Variants in APBB2 observed in about 807,000 individuals in gnomAD.
The protein encoded by APBB2 is amyloid beta precursor protein binding family B member 2, also known as Fe65-like 1.
Under a neutral mutation model 82.5 loss-of-function variants are expected in APBB2, and 38 were observed. That is an observed-to-expected ratio of 0.46 (90% CI 0.36 to 0.60). APBB2 has a LOEUF of 0.60. Among genes scored for constraint, APBB2 ranks in the 20% least tolerant of loss-of-function variants. The pLI is 0.00. For missense variants in APBB2, 772 were observed against 972.3 expected (o/e 0.79, Z 2.74); for synonymous variants, 341 against 368.2 (o/e 0.93, Z 0.85).
chr4:41,057,439 A>C (rs1013290856), intron 4 of APBB2, among the ~76,000 whole-genome samples: 3 of 152,232 alleles, frequency 2.0e-5, no homozygotes, highest in Non-Finnish European at 2.9e-5. Flanking sequence ...CAACAAGAGT[A>C]AGACTCCGTC....
chr4:41,082,317 A>T (rs1737935135), intron 3 of APBB2, among the ~76,000 whole-genome samples: 1 of 152,156 alleles, frequency 6.6e-6, no homozygotes, highest in African/African-American at 2.4e-5. Context: ...TATTTTTGAT[A>T]AGTTTGAGTC....
chr4:40,828,174 G>A (rs540793192), intron 13 of APBB2, among the ~76,000 whole-genome samples: 11 of 152,198 alleles, frequency 7.2e-5, no homozygotes, highest in South Asian at 2.1e-4. Flanking sequence ...CGTGAAAGCC[G>A]ACTAATACAC....
At chr4:40,827,072 T>C (rs1225994599) in intron 14 of APBB2, 60 bp downstream of exon 14, 1 of 1,482,910 alleles carries the variant, frequency 6.7e-7, no homozygotes, top group Non-Finnish European at 9.4e-7. Context: ...TCTGAGAGCC[T>C]TCAGTCCTGG....
intron 2 of APBB2, among the ~76,000 whole-genome samples, chr4:41,106,395 A>G (rs1747247508): frequency 6.6e-6 from 1 of 152,220 alleles, no homozygotes; most frequent in African/African-American, 2.4e-5. Flanking sequence ...CACCAAGGGA[A>G]TAATCTTGGG....
chr4:41,171,880 T>G (rs538244933), intron 1 of APBB2, among the ~76,000 whole-genome samples: 1 of 152,058 alleles, frequency 6.6e-6, no homozygotes, highest in African/African-American at 2.4e-5. Flanking sequence ...TGGAATCACC[T>G]GAGGTCAGGA....
chr4:40,837,763 A>G lies in APBB2; in HGVS notation c.1530-7186T>C, dbSNP rs1754467837. ...TGAGAATCATTGCGTTTTCTTTTAT[A>G]AGCCAGGAAGTGGAAGGGTTATAGC... On this transcript the variant is annotated intron_variant, in intron 12 of 17. Coordinates refer to ENST00000508593, the MANE Select transcript of APBB2 (RefSeq NM_004307.2). 2.6e-5 allele frequency among the ~76,000 whole-genome samples: 4 copies of G among 152,258 alleles called. No individual in the cohort carries two copies. The South Asian group carries it at 8.3e-4, about 32-fold the overall frequency.
intron 4 of APBB2, among the ~76,000 whole-genome samples, chr4:41,045,172 G>A (rs868656679): frequency 1.3e-5 from 2 of 151,572 alleles, no homozygotes; most frequent in African/African-American, 4.9e-5. Context: ...CTTGAGTTCT[G>A]TCTCCTTGTC....
intron 5 of APBB2, among the ~76,000 whole-genome samples, chr4:41,025,960 A>AAAAG (rs1560556017): frequency 2.0e-5 from 3 of 150,170 alleles, no homozygotes; most frequent in African/African-American, 7.5e-5. Flanking sequence ...AAAAAAAAAA[A>AAAAG]AAAGAAAAAA....
chr4:40,892,500 C>T (rs551831750), intron 11 of APBB2: 7 of 152,142 alleles, frequency 4.6e-5, no homozygotes, highest in African/African-American at 9.7e-5. Flanking sequence ...GAGTGGAGTC[C>T]CAATCAGCCC....
intron 12 of APBB2, among the ~76,000 whole-genome samples, chr4:40,833,381 C>A (rs543940618): frequency 6.6e-6 from 1 of 152,190 alleles, no homozygotes; most frequent in Non-Finnish European, 1.5e-5. Flanking sequence ...GGTGTCCGCT[C>A]GTAGTGGTGT....
At position 40,944,946 on chromosome 4, in the gene APBB2, G is replaced by A. The variant is rs780689134; in HGVS notation, c.963C>T (p.Pro321=). 5.0e-6 allele frequency: 8 copies of A among 1,613,758 alleles called. No homozygotes were observed. Among genetic ancestry groups the A allele is most frequent in the Non-Finnish European group, 5.9e-6 (7 of 1,180,008 alleles). ...CCTGGAGATCTGCTGGGATGGAGAC[G>A]GGCCGTTCCCACTGAGTCGTTCCTG... The part of the protein sequence containing the change: ...IPTGTTQWER[P]VSIPADLQGS... The change falls in exon 7 of 18, where the codon CCC becomes CCT. Residue 321 remains proline, a synonymous_variant. Transcript: ENST00000508593.
At chr4:41,174,969 A>G (rs1313447909) in intron 1 of APBB2, among the ~76,000 whole-genome samples, 4 of 152,194 alleles carry the variant, frequency 2.6e-5, no homozygotes, top group African/African-American at 9.6e-5. Flanking sequence ...AGCGTTCCAG[A>G]ATTCCTTTAA....
chr4:41,178,850 G>C (rs1380090964), intron 1 of APBB2, among the ~76,000 whole-genome samples: 1 of 152,102 alleles, frequency 6.6e-6, no homozygotes, highest in African/African-American at 2.4e-5. Flanking sequence ...CTGCTGCCTG[G>C]GTTAAATCCA....
In APBB2 at chr4:40,886,341, G is replaced by A. The variant is rs193122253; in HGVS notation, c.1529+4023C>T. ...TAAAAATACAAAAAATTGGCCGGGC[G>A]TGGTGGCGGGCGCCTGTAGTCCCAG... On this transcript the variant is annotated intron_variant, in intron 12 of 17. Coordinates refer to ENST00000508593, the MANE Select transcript of APBB2 (RefSeq NM_004307.2). Among the ~76,000 whole-genome samples, 933 of 152,260 alleles carry A rather than the reference G, an allele frequency of 6.1e-3. 15 individuals carry two copies. The highest frequency in any genetic ancestry group is 0.058 in the South Asian group (280 of 4,824).
intron 6 of APBB2, among the ~76,000 whole-genome samples, chr4:40,982,479 C>A (rs1415624393): frequency 6.6e-6 from 1 of 150,444 alleles, no homozygotes; most frequent in East Asian, 1.9e-4. Flanking sequence ...GACCAGAGAC[C>A]AGCCTGGGCA....
intron 1 of APBB2, among the ~76,000 whole-genome samples, chr4:41,209,271 G>C (rs185066510): frequency 6.6e-6 from 1 of 152,266 alleles, no homozygotes; most frequent in East Asian, 1.9e-4. Flanking sequence ...CCTCTTGAAA[G>C]CAAAATGCAC....
intron 12 of APBB2, among the ~76,000 whole-genome samples, chr4:40,877,914 G>A (rs918368609): frequency 4.6e-5 from 7 of 152,302 alleles, no homozygotes; most frequent in African/African-American, 1.7e-4. Context: ...CAGGGCATGG[G>A]GCTCGTGAGC....
At chr4:40,869,584 T>C (rs1235672875) in intron 12 of APBB2, among the ~76,000 whole-genome samples, 1 of 150,560 alleles carries the variant, frequency 6.6e-6, no homozygotes, top group Non-Finnish European at 1.5e-5. Context: ...TGAGACCCTG[T>C]CTCCAAAGAA....
At chr4:40,971,989 A>G (rs2154398629) in intron 6 of APBB2, among the ~76,000 whole-genome samples, 1 of 152,328 alleles carries the variant, frequency 6.6e-6, no homozygotes, top group African/African-American at 2.4e-5. Flanking sequence ...ACTAAAATAT[A>G]ATATTTGGTT....
Sources: gnomAD v4.1 joint callset for allele counts (sites outside exome capture counted in the v4.1 genomes callset) on GRCh38, gnomAD v4.1.1 for gene constraint, MANE v1.5 for transcripts, NCBI Gene and HGNC (gene_info 2026-07-23, HGNC 2026-07-21) for gene names.